ZNF75D: variants seen among roughly 807,000 people sequenced by gnomAD.
ZNF75D encodes zinc finger protein 75D.
In ZNF75D, 33 loss-of-function variants were observed where a neutral mutation model predicts 33.3. The observed-to-expected ratio is 0.99, with a 90% CI of 0.75 to 1.32. The LOEUF is 1.32. Among genes scored for constraint, ZNF75D ranks in the 40% most tolerant of loss-of-function variants. The probability of loss-of-function intolerance (pLI) is 0.00; values close to 1 mark genes in which losing one functional copy is unlikely to be tolerated. For missense variants in ZNF75D, 338 were observed against 367.5 expected (o/e 0.92, Z 0.66); for synonymous variants, 113 against 130.6 (o/e 0.87, Z 0.92).
intron 1 of ZNF75D, among the ~76,000 whole-genome samples, chrX:135,264,329 C>A (rs890530414): frequency 9.0e-6 from 1 of 111,716 alleles, no homozygotes; most frequent in African/African-American, 3.3e-5. Context: ...CACAAGGCCC[C>A]TCCTTTAACA....
intron 1 of ZNF75D, among the ~76,000 whole-genome samples, chrX:135,320,292 C>CAAAA (rs782354392): frequency 1.4e-5 from 1 of 70,029 alleles, no homozygotes; most frequent in African/African-American, 5.1e-5. Context: ...GACTCCATCT[C>CAAAA]AAAAAAAAAA....
chrX:135,263,178 C>T, intron 1 of ZNF75D, among the ~76,000 whole-genome samples: 1 of 112,593 alleles, frequency 8.9e-6, no homozygotes, highest in South Asian at 3.7e-4. Flanking sequence ...CTGATCCTTC[C>T]TTTGGAAGCT....
chrX:135,318,966 C>G (rs1384467767), intron 1 of ZNF75D, among the ~76,000 whole-genome samples: 1 of 112,044 alleles, frequency 8.9e-6, no homozygotes, highest in Admixed American at 9.4e-5. Context: ...GCAGTAGTCA[C>G]AGACTGGTCA....
intron 1 of ZNF75D, among the ~76,000 whole-genome samples, chrX:135,337,840 G>A (rs1207211741): frequency 9.0e-6 from 1 of 111,316 alleles, no homozygotes; most frequent in Non-Finnish European, 1.9e-5. Context: ...GAGGGCGTCA[G>A]CTCTAGACTC....
At chrX:135,325,504 C>G (rs782171879) in intron 1 of ZNF75D, among the ~76,000 whole-genome samples, 3 of 111,764 alleles carry the variant, frequency 2.7e-5, no homozygotes. Context: ...TGCAGGCCAG[C>G]TGAGCTCCGG....
intron 1 of ZNF75D, among the ~76,000 whole-genome samples, chrX:135,257,924 T>C (rs1004917565): frequency 1.5e-4 from 17 of 109,720 alleles, no homozygotes; most frequent in Non-Finnish European, 3.1e-4. Context: ...AACTCATCAT[T>C]CACATTAGGT....
chrX:135,310,636 T>C (rs1332261920), intron 1 of ZNF75D, among the ~76,000 whole-genome samples: 1 of 111,684 alleles, frequency 9.0e-6, no homozygotes, highest in Non-Finnish European at 1.9e-5. Context: ...TCCTTCCCAA[T>C]TCCCTGTGCT....
intron 1 of ZNF75D, among the ~76,000 whole-genome samples, chrX:135,259,097 A>T (rs2083826051): frequency 9.0e-6 from 1 of 111,610 alleles, no homozygotes; most frequent in African/African-American, 3.3e-5. Flanking sequence ...CAAAGATCAG[A>T]TGGTTGTAAA....
chrX:135,291,666 G>A, intron 4 of ZNF75D, 103 bp from the exon 5 acceptor site: 1 of 1,091,161 alleles, frequency 9.2e-7, no homozygotes. Flanking sequence ...AGTAAAGATG[G>A]GTCACATTGA....
At chrX:135,273,189 T>C (rs1556417172) in intron 1 of ZNF75D, among the ~76,000 whole-genome samples, 1 of 111,251 alleles carries the variant, frequency 9.0e-6, no homozygotes, top group African/African-American at 3.3e-5. Flanking sequence ...TCTCTCTCTT[T>C]TCCTTTCCAA....
intron 2 of ZNF75D, 88 bp from the exon 3 acceptor site, chrX:135,294,346 G>A (rs369356918): frequency 3.0e-6 from 1 of 328,004 alleles, no homozygotes. Flanking sequence ...GGAAAATGAA[G>A]AGAAAAGTTC....
chrX:135,301,193 C>T (rs985204736), intron 1 of ZNF75D, among the ~76,000 whole-genome samples: 2 of 111,391 alleles, frequency 1.8e-5, no homozygotes, highest in South Asian at 3.8e-4. Context: ...CTCACTATCA[C>T]GAGAACAGCA....
intron 1 of ZNF75D, among the ~76,000 whole-genome samples, chrX:135,279,453 A>AT (rs2083911971): frequency 4.5e-5 from 5 of 111,267 alleles, no homozygotes; most frequent in South Asian, 3.8e-4. Context: ...GGATTCATTG[A>AT]TTTTTTGAAG....
chrX:135,259,348 T>C (rs188553820), intron 1 of ZNF75D, among the ~76,000 whole-genome samples: 21 of 111,955 alleles, frequency 1.9e-4, no homozygotes, highest in Admixed American at 5.7e-4. Context: ...ATTGGTAGCT[T>C]GATGGGGATG....
chrX:135,334,487 A>G (rs2084686713), intron 1 of ZNF75D, among the ~76,000 whole-genome samples: 2 of 112,246 alleles, frequency 1.8e-5, no homozygotes, highest in Non-Finnish European at 3.8e-5. Flanking sequence ...ATCCTTGATC[A>G]TTCCCAAAGG....
intron 1 of ZNF75D, among the ~76,000 whole-genome samples, chrX:135,267,391 G>A (rs2083866966): frequency 9.0e-6 from 1 of 110,866 alleles, no homozygotes; most frequent in Non-Finnish European, 1.9e-5. Context: ...GAAAAAAATG[G>A]AGAAGACCCA....
intron 1 of ZNF75D, among the ~76,000 whole-genome samples, chrX:135,316,149 C>CTAGG (rs1394974023): frequency 9.0e-6 from 1 of 111,695 alleles, no homozygotes; most frequent in African/African-American, 3.2e-5. Flanking sequence ...AAATGTTGTC[C>CTAGG]TTTTGCTTCT....
chrX:135,276,398 C>A (rs1298224289), intron 1 of ZNF75D, among the ~76,000 whole-genome samples: 2 of 112,035 alleles, frequency 1.8e-5, no homozygotes, highest in African/African-American at 6.5e-5. Context: ...AGTGCAGCAG[C>A]AAATATAAGC....
chrX:135,274,261 G>A (rs1275472728), intron 1 of ZNF75D, among the ~76,000 whole-genome samples: 1 of 112,004 alleles, frequency 8.9e-6, no homozygotes, highest in Non-Finnish European at 1.9e-5. Context: ...CAATTTTCAA[G>A]TTCACATGAC....
Sources: gnomAD v4.1 joint callset for allele counts (sites outside exome capture counted in the v4.1 genomes callset) on GRCh38, gnomAD v4.1.1 for gene constraint, MANE v1.5 for transcripts, NCBI Gene and HGNC (gene_info 2026-07-23, HGNC 2026-07-21) for gene names.